CLIC5: variants seen among roughly 807,000 people sequenced by gnomAD.
CLIC5 encodes chloride intracellular channel protein 5.
CLIC5 carries 20 observed loss-of-function variants against 24.7 expected under a neutral mutation model. The ratio of observed to expected loss-of-function variants is 0.81; its 90% confidence interval spans 0.57 to 1.18. The LOEUF (loss-of-function observed/expected upper bound fraction) is 1.18. CLIC5 is among the 50% of genes most tolerant of loss of function. The probability of loss-of-function intolerance (pLI) is 0.00; values close to 1 mark genes in which losing one functional copy is unlikely to be tolerated. For synonymous variants in CLIC5, 159 were observed against 135.6 expected (o/e 1.17, Z -1.20); for missense variants, 341 against 326.1 (o/e 1.05, Z -0.35).
At chr6:46,098,945 G>A in the CLIC5 span, among the ~76,000 whole-genome samples, 19 of 152,330 alleles carry the variant, frequency 1.2e-4, no homozygotes, top group Middle Eastern at 3.4e-3. Flanking sequence ...AGCTTACAGA[G>A]CCTAGTGACC....
intron 3 of CLIC5, among the ~76,000 whole-genome samples, chr6:45,947,863 A>G (rs1764338543): frequency 6.6e-6 from 1 of 152,192 alleles, no homozygotes; most frequent in African/African-American, 2.4e-5. Flanking sequence ...TTTAGAGTCT[A>G]TACTCAGCTG....
chr6:45,953,726 C>A (rs1191469363), intron 2 of CLIC5, among the ~76,000 whole-genome samples: 1 of 151,956 alleles, frequency 6.6e-6, no homozygotes, highest in Admixed American at 6.6e-5. Context: ...GGAATAATAA[C>A]CTTAGAATCA....
intron 1 of CLIC5, among the ~76,000 whole-genome samples, chr6:46,047,609 C>T (rs1767987994): frequency 6.6e-6 from 1 of 152,104 alleles, no homozygotes; most frequent in Non-Finnish European, 1.5e-5. Context: ...AACAAATGCA[C>T]CATATATTTT....
At chr6:45,987,281 T>G (rs1765776104) in intron 1 of CLIC5, among the ~76,000 whole-genome samples, 1 of 152,222 alleles carries the variant, frequency 6.6e-6, no homozygotes. Context: ...ACATTCAGCA[T>G]GCTTTTCTGC....
rs138338749 is a variant in CLIC5, at chr6:45,936,874, C to G, written c.406+4673G>C. The stretch of plus-strand genomic sequence containing the variant: ...CTGACTTAATGTGGGATCTTGCCAC[C>G]GAGTCATGAGAAAATCCAGTCTACA... On this transcript the variant is annotated intron_variant, in intron 4 of 5. Transcript: ENST00000339561. Among the ~76,000 whole-genome samples the G allele has an allele frequency of 7.3e-3, 1,108 of 152,032 alleles. 19 individuals carry two copies. The highest frequency in any genetic ancestry group is 0.028 in the Admixed American group (421 of 15,264).
At chr6:45,989,848 T>G (rs1415761083) in intron 1 of CLIC5, among the ~76,000 whole-genome samples, 1 of 152,208 alleles carries the variant, frequency 6.6e-6, no homozygotes, top group East Asian at 1.9e-4. Context: ...AGGACATTGA[T>G]GGCTAAACTC....
At chr6:46,070,344 C>T (rs1762559179) in intron 1 of CLIC5, among the ~76,000 whole-genome samples, 1 of 152,150 alleles carries the variant, frequency 6.6e-6, no homozygotes, top group African/African-American at 2.4e-5. Context: ...GGCCCAAAAG[C>T]TCCTTAAGCT....
At chr6:45,920,467 G>A (rs1050681143) in intron 4 of CLIC5, 1 of 363,308 alleles carries the variant, frequency 2.8e-6, no homozygotes, top group African/African-American at 2.2e-5. Flanking sequence ...ATAACCAAAG[G>A]GTGCAAAAAA....
At chr6:45,982,780 G>C (rs1289820549) in intron 1 of CLIC5, among the ~76,000 whole-genome samples, 1 of 152,202 alleles carries the variant, frequency 6.6e-6, no homozygotes, top group Non-Finnish European at 1.5e-5. Flanking sequence ...GTTTGTCTCA[G>C]ATTGCATGGC....
intron 1 of CLIC5, among the ~76,000 whole-genome samples, chr6:45,965,646 A>G (rs1014865732): frequency 6.6e-6 from 1 of 152,216 alleles, no homozygotes; most frequent in Non-Finnish European, 1.5e-5. Context: ...TATAGCCTCA[A>G]ATAAACAGAA....
chr6:46,020,631 T>C (rs980194294), upstream of CLIC5, among the ~76,000 whole-genome samples: 5 of 151,784 alleles, frequency 3.3e-5, no homozygotes, highest in Non-Finnish European at 2.9e-5. Flanking sequence ...AAATCAATAA[T>C]ACTAGAGGCT....
At chr6:46,066,884 G>C (rs1489129076) in intron 1 of CLIC5, among the ~76,000 whole-genome samples, 1 of 152,082 alleles carries the variant, frequency 6.6e-6, no homozygotes, top group Non-Finnish European at 1.5e-5. Context: ...GTATCAGCAT[G>C]GGCAAAGCTG....
rs112106569 is a variant in CLIC5, at chr6:45,963,672, G to A, written c.64-8428C>T. The stretch of plus-strand genomic sequence containing the variant: ...AAGCTTAAAAAAAAAAAGTAGAAAG[G>A]AAAGTCAGAGAAGGAAAGAAAACAA... On this transcript the variant is annotated intron_variant, in intron 1 of 5. Coordinates refer to ENST00000339561, the MANE Select transcript of CLIC5 (RefSeq NM_016929.5). Among the ~76,000 whole-genome samples the A allele has an allele frequency of 6.6e-3, 1,003 of 151,970 alleles. 4 individuals carry two copies. The highest frequency in any genetic ancestry group is 0.024 in the South Asian group (117 of 4,794).
At chr6:45,909,752 C>T (rs1399477500) in intron 5 of CLIC5, among the ~76,000 whole-genome samples, 1 of 152,122 alleles carries the variant, frequency 6.6e-6, no homozygotes, top group Non-Finnish European at 1.5e-5. Flanking sequence ...TGACTATATA[C>T]CTTGGTGAAG....
chr6:46,086,897 T>A, the CLIC5 span, among the ~76,000 whole-genome samples: 2 of 152,154 alleles, frequency 1.3e-5, no homozygotes, highest in African/African-American at 2.4e-5. Context: ...CCCATCTACC[T>A]CTCCTGGCAT....
the CLIC5 span, among the ~76,000 whole-genome samples, chr6:46,094,121 C>A: frequency 6.6e-6 from 1 of 152,298 alleles, no homozygotes; most frequent in Non-Finnish European, 1.5e-5. Context: ...CTAACTATCA[C>A]CAGAACAGCA....
intron 4 of CLIC5, among the ~76,000 whole-genome samples, chr6:45,928,967 C>G (rs1763618310): frequency 6.6e-6 from 1 of 152,122 alleles, no homozygotes; most frequent in Admixed American, 6.6e-5. Flanking sequence ...GATCTGCATC[C>G]AGGCCAGGCC....
chr6:45,962,063 T>C lies in CLIC5; in HGVS notation c.64-6819A>G, dbSNP rs941117715. 1.7e-4 allele frequency among the ~76,000 whole-genome samples: 25 copies of C among 145,532 alleles called. No homozygotes were observed. The South Asian group carries it at 2.4e-3, about 14-fold the overall frequency. On this transcript the variant is annotated intron_variant, in intron 1 of 5. Coordinates refer to ENST00000339561, the MANE Select transcript of CLIC5 (RefSeq NM_016929.5). ...ATATATACATACACATATATGTACA[T>C]ACACACACACACACACACACACACA...
intron 3 of CLIC5, 151 bp downstream of exon 3, chr6:45,949,105 G>C (rs566366950): frequency 9.8e-6 from 10 of 1,019,776 alleles, no homozygotes; most frequent in South Asian, 3.4e-5. Context: ...CCCTTTGGGG[G>C]TCCTAGGCTC....
Sources: gnomAD v4.1 joint callset for allele counts (sites outside exome capture counted in the v4.1 genomes callset) on GRCh38, gnomAD v4.1.1 for gene constraint, MANE v1.5 for transcripts, NCBI Gene and HGNC (gene_info 2026-07-23, HGNC 2026-07-21) for gene names.